The following SPR variants were observed in gnomAD, a reference collection of about 807,000 sequenced individuals.
SPR encodes Sepiapterin reductase (L-erythro-7,8-dihydrobiopterin forming).
In SPR, 12 loss-of-function variants were observed where a neutral mutation model predicts 16.0. The ratio of observed to expected loss-of-function variants is 0.75; its 90% CI spans 0.48 to 1.22. SPR has a LOEUF of 1.22. SPR is among the 50% of genes most tolerant of loss of function. SPR has a pLI of 0.00. For missense variants in SPR, 324 were observed against 344.4 expected (o/e 0.94, Z 0.47); for synonymous variants, 177 against 168.5 (o/e 1.05, Z -0.39).
Position 72,887,868 on chromosome 2 carries a change from G to A in SPR, c.304+132G>A, listed in dbSNP as rs1573882016. The A allele has an allele frequency of 1.6e-5, 16 of 1,009,104 alleles. No homozygotes were observed. The East Asian group carries it at 4.3e-4, about 27-fold the overall frequency. 62.5% of individuals were successfully genotyped at this position (1,009,104 alleles called of 1,614,324 possible). On this transcript the variant is annotated intron_variant, in intron 1 of 2. Transcript: ENST00000234454. Reference sequence around the variant, plus strand: ...TAAAGCCCTAGTTGTTCCAGCTTGAGTAGCAAGTGGAGGCGAGGTGTACAG... The same window carrying A: ...TAAAGCCCTAGTTGTTCCAGCTTGAATAGCAAGTGGAGGCGAGGTGTACAG...
At position 72,891,517 on chromosome 2, in the gene SPR, G is replaced by A. The variant is rs765373242; in HGVS notation, c.766G>A (p.Val256Met). ...EKDEFKSGAH[V>M]DFYDK Reference sequence around the variant, plus strand: ...GGACGAGTTCAAGTCTGGAGCCCACGTGGACTTCTATGACAAATAAGCCCA... The same window carrying A: ...GGACGAGTTCAAGTCTGGAGCCCACATGGACTTCTATGACAAATAAGCCCA... The change falls in exon 3 of 3, where the codon GTG (valine) becomes ATG (methionine). Residue 256 changes from valine to methionine, a missense_variant. Physicochemically the swap from Val to Met is conservative, Grantham distance 21. Transcript: ENST00000234454. 24 of 1,614,116 alleles carry A rather than the reference G, an allele frequency of 1.5e-5. No homozygotes were observed. The highest frequency in any genetic ancestry group is 1.1e-4 in the African/African-American group (8 of 74,932).
rs768566838 is a variant in SPR, at chr2:72,891,562, C to T, written c.*25C>T. The stretch of plus-strand genomic sequence containing the variant: ...AGCCCATGTTTTTGGCTTCCTGAAC[C>T]TTTTTGCCCCCACTTTTAGACATAC... On this transcript the variant is annotated 3_prime_UTR_variant, in exon 3 of 3. Transcript: ENST00000234454. 3.5e-5 allele frequency: 56 copies of T among 1,613,912 alleles called. 1 individual carries two copies. The Admixed American group carries it at 9.3e-4, about 27-fold the overall frequency.
At position 72,888,514 on chromosome 2, in the gene SPR, C is replaced by T; in HGVS notation, c.505C>T (p.Leu169=). Residue 169 remains leucine, a synonymous_variant, in exon 2 of 3, where the codon CTG becomes TTG. Transcript: ENST00000234454. Reference sequence around the variant, plus strand: ...CCTGCAACCTTTCAAAGGCTGGGCGCTGTACTGTGCAGGAAAGGCTGCTCG... The same window carrying T: ...CCTGCAACCTTTCAAAGGCTGGGCGTTGTACTGTGCAGGAAAGGCTGCTCG... The part of the protein sequence containing the change: ...CALQPFKGWA[L]YCAGKAARDM... 1.2e-6 allele frequency: 2 copies of T among 1,611,724 alleles called. No homozygotes were observed. Among genetic ancestry groups the T allele is most frequent in the African/African-American group, 2.7e-5 (2 of 75,000 alleles).
Position 72,887,491 on chromosome 2 carries a change from G to A in SPR, c.59G>A (p.Gly20Asp). 2 of 1,498,840 alleles carry A rather than the reference G, an allele frequency of 1.3e-6. No individual in the cohort carries two copies. The highest frequency in any genetic ancestry group is 1.2e-5 in the South Asian group (1 of 80,100). 92.8% of individuals were successfully genotyped at this position (1,498,840 alleles called of 1,614,324 possible). A position where few individuals can be genotyped will look rare whatever the true frequency, so the allele number is the denominator to read the frequency against. The change falls in exon 1 of 3, where the codon GGC becomes GAC. Residue 20 changes from glycine (G) to aspartate (D), a missense_variant. Physicochemically the swap from Gly to Asp is moderately conservative, Grantham distance 94 (BLOSUM62 -1). Coordinates refer to ENST00000234454, the MANE Select transcript of SPR (RefSeq NM_003124.5). The stretch of plus-strand genomic sequence containing the variant: ...CTGACCGGGGCCTCCCGCGGCTTCG[G>A]CCGGACGCTGGCCCCGCTCCTGGCC... ...CLLTGASRGF[G>D]RTLAPLLASL... is the part of the protein sequence containing the mutation.
intron 2 of SPR, among the ~76,000 whole-genome samples, chr2:72,890,207 CT>C (rs1463374052): frequency 3.9e-5 from 6 of 152,332 alleles, no homozygotes; most frequent in Admixed American, 3.3e-4. Context: ...CGTGGCAGGT[CT>C]TCAGTTTGCC....
chr2:72,887,542 T>A lies in SPR; in HGVS notation c.110T>A (p.Leu37His). ...TCGCTGCTGTCGCCCGGCTCCGTGC[T>A]TGTCCTTAGCGCCCGCAACGACGAG... ...LASLLSPGSV[L>H]VLSARNDEAL... The change falls in exon 1 of 3, where the codon CTT becomes CAT. Residue 37 changes from leucine to histidine, a missense_variant. Physicochemically the swap from Leu to His is moderately conservative, Grantham distance 99 (BLOSUM62 -3). Coordinates refer to ENST00000234454, the MANE Select transcript of SPR (RefSeq NM_003124.5). The A allele has an allele frequency of 6.8e-7, 1 of 1,469,064 alleles. No individual in the cohort carries two copies. Among genetic ancestry groups the A allele is most frequent in the Non-Finnish European group, 8.9e-7 (1 of 1,117,806 alleles). 91.0% of individuals were successfully genotyped at this position (1,469,064 alleles called of 1,614,324 possible).
At chr2:72,889,079 A>G (rs962212396) in intron 2 of SPR, among the ~76,000 whole-genome samples, 2 of 152,204 alleles carry the variant, frequency 1.3e-5, no homozygotes, top group African/African-American at 2.4e-5. Context: ...AAGCCTTTGC[A>G]CTATGCAGAT....
chr2:72,888,052 C>G (rs939112087), intron 1 of SPR, among the ~76,000 whole-genome samples: 1 of 151,854 alleles, frequency 6.6e-6, no homozygotes, highest in Non-Finnish European at 1.5e-5. Context: ...CAAGTAAACT[C>G]TCTGCTTCTC....
In SPR at chr2:72,888,524, C is replaced by T. The variant is rs746266615; in HGVS notation, c.515C>T (p.Ala172Val). ...TTCAAAGGCTGGGCGCTGTACTGTG[C>T]AGGAAAGGCTGCTCGTGATATGCTG... ...QPFKGWALYCAGKAARDMLFQ... is the reference protein window; with the variant it reads ...QPFKGWALYCVGKAARDMLFQ... The change falls in exon 2 of 3, where the codon GCA (alanine) becomes GTA (valine). Residue 172 changes from alanine (A) to valine (V), a missense_variant. Ala to Val is a moderately conservative substitution (Grantham distance 64, BLOSUM62 0). Transcript: ENST00000234454. The T allele has an allele frequency of 1.2e-6, 2 of 1,606,760 alleles. No individual in the cohort carries two copies. Among genetic ancestry groups the T allele is most frequent in the Admixed American group, 1.7e-5 (1 of 59,226 alleles).
intron 2 of SPR, among the ~76,000 whole-genome samples, chr2:72,890,588 G>A (rs568962956): frequency 1.6e-4 from 25 of 151,970 alleles, no homozygotes; most frequent in Admixed American, 2.6e-4. Context: ...TGATCTGCCC[G>A]CCTCGGCCTC....
rs1670573622 is a variant in SPR at position 72,888,393 on chromosome 2, G to C, written c.384G>C (p.Leu128Phe). Residue 128 changes from leucine (L) to phenylalanine (F), a missense_variant, in exon 2 of 3, where the codon TTG (leucine) becomes TTC (phenylalanine). Transcript: ENST00000234454. ...TGAACAACTACTGGGCACTGAACTTGACCTCCATGCTCTGCCTGACTTCCA... is the reference window on the plus strand; with the variant it reads ...TGAACAACTACTGGGCACTGAACTTCACCTCCATGCTCTGCCTGACTTCCA... Reference protein sequence around the residue: ...TQVNNYWALNLTSMLCLTSSV... With the variant: ...TQVNNYWALNFTSMLCLTSSV... 6.2e-7 allele frequency: 1 copy of C among 1,614,180 alleles called. No individual in the cohort carries two copies. The highest frequency in any genetic ancestry group is 8.5e-7 in the Non-Finnish European group (1 of 1,180,022).
chr2:72,889,857 G>C (rs570405352), intron 2 of SPR, among the ~76,000 whole-genome samples: 5 of 152,328 alleles, frequency 3.3e-5, no homozygotes, highest in African/African-American at 9.6e-5. Flanking sequence ...CTCAGAGATG[G>C]AATGGGCTGT....
chr2:72,889,716 C>G lies in SPR; in HGVS notation c.595+1112C>G, dbSNP rs150066278. 4.3e-3 allele frequency among the ~76,000 whole-genome samples: 648 copies of G among 152,338 alleles called. 10 individuals are homozygous for G. Among genetic ancestry groups the G allele is most frequent in the Non-Finnish European group, 5.7e-3 (390 of 68,030 alleles). ...CAGACTCCAGAAGTCCACATGGCTGCGTTTGGTCTCAGGAGGCTGCCCTGG... is the reference window on the plus strand; with the variant it reads ...CAGACTCCAGAAGTCCACATGGCTGGGTTTGGTCTCAGGAGGCTGCCCTGG... On this transcript the variant is annotated intron_variant, in intron 2 of 2. Coordinates refer to ENST00000234454, the MANE Select transcript of SPR (RefSeq NM_003124.5).
intron 2 of SPR, among the ~76,000 whole-genome samples, chr2:72,889,736 C>T (rs1243463045): frequency 1.3e-5 from 2 of 152,184 alleles, no homozygotes; most frequent in East Asian, 1.9e-4. Context: ...CAGGAGGCTG[C>T]CCTGGGCATT....
rs1229575902 is a variant in SPR, at chr2:72,887,558, C to T, written c.126C>T (p.Arg42=). The change falls in exon 1 of 3, where the codon CGC becomes CGT. Residue 42 remains arginine (R), a synonymous_variant. Transcript: ENST00000234454. The stretch of plus-strand genomic sequence containing the variant: ...GCTCCGTGCTTGTCCTTAGCGCCCG[C>T]AACGACGAGGCACTGCGCCAGCTGG... ...SPGSVLVLSA[R]NDEALRQLEA... is the part of the protein sequence containing the mutation. The T allele has an allele frequency of 4.1e-6, 6 of 1,454,716 alleles. No homozygotes were observed. The highest frequency in any genetic ancestry group is 5.4e-6 in the Non-Finnish European group (6 of 1,111,756). 90.1% of individuals were successfully genotyped at this position (1,454,716 alleles called of 1,614,324 possible).
chr2:72,888,026 G>T (rs1670567811), intron 1 of SPR, among the ~76,000 whole-genome samples: 1 of 152,228 alleles, frequency 6.6e-6, no homozygotes, highest in Non-Finnish European at 1.5e-5. Flanking sequence ...CTGAGTCAGG[G>T]CTTGGAGTCT....
Position 72,888,584 on chromosome 2 carries a change from G to C in SPR, c.575G>C (p.Arg192Thr), listed in dbSNP as rs1484603320. The C allele has an allele frequency of 6.3e-7, 1 of 1,596,442 alleles. No homozygotes were observed. The highest frequency in any genetic ancestry group is 1.1e-5 in the South Asian group (1 of 88,136). ...CTGGCGCTGGAGGAACCTAATGTGA[G>C]GGTGCTGAACTATGCCCCAGGTAGG... The part of the protein sequence containing the change: ...QVLALEEPNV[R>T]VLNYAPGPLD... The change falls in exon 2 of 3, where the codon AGG becomes ACG. Residue 192 changes from arginine (R) to threonine (T), a missense_variant. Transcript: ENST00000234454.
chr2:72,891,150 G>A (rs1319659722), intron 2 of SPR, among the ~76,000 whole-genome samples, 197 bp from the exon 3 acceptor site: 3 of 152,112 alleles, frequency 2.0e-5, no homozygotes, highest in Non-Finnish European at 4.4e-5. Flanking sequence ...ATGTTCAGTG[G>A]GCTTTTGAAT....
At position 72,891,795 on chromosome 2, in the gene SPR, C is replaced by G. The variant is rs1670626102; in HGVS notation, c.*258C>G. 1 of 539,034 alleles carries G rather than the reference C, an allele frequency of 1.9e-6. No individual in the cohort carries two copies. The highest frequency in any genetic ancestry group is 1.9e-5 in the African/African-American group (1 of 52,670). 33.4% of individuals were successfully genotyped at this position (539,034 alleles called of 1,614,324 possible). A position where few individuals can be genotyped will look rare whatever the true frequency, so the allele number is the denominator to read the frequency against. ...GTTATGGGTATTGGTGTCTCTATCC[C>G]CAGGAATAGAACTTAAGGGGTGGGA... is the stretch of plus-strand genomic sequence containing the variant. On this transcript the variant is annotated 3_prime_UTR_variant, in exon 3 of 3. Transcript: ENST00000234454.
Sources: allele counts gnomAD v4.1 joint callset (sites outside exome capture counted in the v4.1 genomes callset), GRCh38; gene constraint gnomAD v4.1.1; transcripts MANE v1.5; gene names NCBI Gene and HGNC (gene_info 2026-07-23, HGNC 2026-07-21).